IPPK: variants seen among roughly 807,000 people sequenced by gnomAD.
IPPK encodes IPK1 homolog.
Under a neutral mutation model 64.6 loss-of-function variants are expected in IPPK, and 22 were observed. That is an observed-to-expected ratio of 0.34 (90% CI 0.24 to 0.49). The LOEUF (loss-of-function observed/expected upper bound fraction) is 0.49, where lower values mean the gene tolerates loss of function less well. IPPK is among the 20% of genes least tolerant of loss of function. The probability of loss-of-function intolerance (pLI) is 0.99; values close to 1 mark genes in which losing one functional copy is unlikely to be tolerated. For missense variants in IPPK, 532 were observed against 630.7 expected, an observed-to-expected ratio of 0.84 and a Z score of 1.68; for synonymous variants, 262 against 247.2, an observed-to-expected ratio of 1.06 and a Z score of -0.56.
intron 4 of IPPK, 85 bp downstream of exon 4, chr9:92,652,488 T>C (rs1852287823): frequency 3.5e-6 from 2 of 575,530 alleles, no homozygotes; most frequent in South Asian, 2.7e-5. Flanking sequence ...AAAATGCATA[T>C]ACCTAACATG....
rs112162638 is a variant in IPPK, at chr9:92,615,895, G to A, written c.1413C>T (p.Asn471=). Residue 471 remains asparagine (N), a synonymous_variant, in exon 13 of 13, where the codon AAC becomes AAT. Coordinates refer to ENST00000287996, the MANE Select transcript of IPPK (RefSeq NM_022755.6). ...YYSKTVRAKD[N]AVMSTRFKES... ...CCTTGAACCGAGTCGACATCACGGC[G>A]TTGTCTTTGGCACGTACAGTCTTTG... 1.4e-5 allele frequency: 23 copies of A among 1,614,182 alleles called. No homozygotes were observed. Among genetic ancestry groups the A allele is most frequent in the African/African-American group, 9.3e-5 (7 of 75,062 alleles).
chr9:92,662,358 T>G (rs1181440488), intron 1 of IPPK, among the ~76,000 whole-genome samples: 1 of 151,834 alleles, frequency 6.6e-6, no homozygotes, highest in Admixed American at 6.6e-5. Flanking sequence ...AAAACCTGTC[T>G]CTACTAAAAA....
chr9:92,657,044 A>G (rs1277427824), intron 2 of IPPK, among the ~76,000 whole-genome samples: 2 of 152,142 alleles, frequency 1.3e-5, no homozygotes, highest in African/African-American at 4.8e-5. Flanking sequence ...AGCTGTGGTC[A>G]CAGCTTCTGA....
chr9:92,619,348 C>T (rs1051561683), intron 12 of IPPK, 138 bp downstream of exon 12: 3 of 677,980 alleles, frequency 4.4e-6, no homozygotes, highest in African/African-American at 3.5e-5. Context: ...CCCATGATGT[C>T]ACATAGGCCA....
In IPPK at chr9:92,663,674, C is replaced by G. The variant is rs55980003; in HGVS notation, c.82-4993G>C. Among the ~76,000 whole-genome samples the G allele has an allele frequency of 7.3e-3, 1,112 of 152,290 alleles. 11 individuals carry two copies. Among genetic ancestry groups the G allele is most frequent in the Non-Finnish European group, 0.011 (723 of 68,022 alleles). ...GCCAATGGGAAGCCTGAGGGGGCACCTTATGGGTGGAATTAAAGCTACTAA... is the reference window on the plus strand; with the variant it reads ...GCCAATGGGAAGCCTGAGGGGGCACGTTATGGGTGGAATTAAAGCTACTAA... On this transcript the variant is annotated intron_variant, in intron 1 of 12. Transcript: ENST00000287996.
At position 92,614,001 on chromosome 9, in the gene IPPK, G is replaced by A. The variant is rs1374839621; in HGVS notation, c.*1831C>T. 1 of 152,288 alleles carries A rather than the reference G, an allele frequency of 6.6e-6. No homozygotes were observed. Among genetic ancestry groups the A allele is most frequent in the Non-Finnish European group, 1.5e-5 (1 of 68,100 alleles). 9.4% of individuals were successfully genotyped at this position (152,288 alleles called of 1,614,324 possible). A position where few individuals can be genotyped will look rare whatever the true frequency, so the allele number is the denominator to read the frequency against. On this transcript the variant is annotated 3_prime_UTR_variant, in exon 13 of 13. Coordinates refer to ENST00000287996, the MANE Select transcript of IPPK (RefSeq NM_022755.6). ...CCACAGCAGTGGCACCCGCGGCTCA[G>A]GGGCTCCTCACAGCCCGGGCTGGTG...
At chr9:92,662,111 G>A (rs928151058) in intron 1 of IPPK, among the ~76,000 whole-genome samples, 1 of 152,224 alleles carries the variant, frequency 6.6e-6, no homozygotes, top group African/African-American at 2.4e-5. Context: ...CCGAGCTCCT[G>A]CCAGCTCACC....
At chr9:92,651,848 T>C (rs1453006563) in intron 4 of IPPK, among the ~76,000 whole-genome samples, 2 of 152,152 alleles carry the variant, frequency 1.3e-5, no homozygotes, top group Admixed American at 6.6e-5. Flanking sequence ...CCCAAGTAGC[T>C]GGGATTACAG....
At position 92,670,055 on chromosome 9, in the gene IPPK, C is replaced by A; in HGVS notation, c.-67G>T. On this transcript the variant is annotated 5_prime_UTR_variant, in exon 1 of 13. Coordinates refer to ENST00000287996, the MANE Select transcript of IPPK (RefSeq NM_022755.6). ...GACGCGAGCTGGGGGCCGCCCGCCT[C>A]GCTGGGAACCAGCCGCTGCGGTCGG... 2 of 1,198,336 alleles carry A rather than the reference C, an allele frequency of 1.7e-6. No homozygotes were observed. Among genetic ancestry groups the A allele is most frequent in the Admixed American group, 2.0e-5 (1 of 49,364 alleles). 74.2% of individuals were successfully genotyped at this position (1,198,336 alleles called of 1,614,324 possible).
rs1043834514 is a variant in IPPK at position 92,657,717 on chromosome 9, G to A, written c.129+917C>T. 8.5e-5 allele frequency among the ~76,000 whole-genome samples: 13 copies of A among 152,216 alleles called. No individual in the cohort carries two copies. The South Asian group carries it at 1.0e-3, about 12-fold the overall frequency. On this transcript the variant is annotated intron_variant, in intron 2 of 12. Transcript: ENST00000287996. ...AGACAGTGGGGCCTTCCTATCCTCC[G>A]CCTGCCTGCCTCGACCCCACACCCA...
At chr9:92,657,833 AC>A (rs1852404061) in intron 2 of IPPK, among the ~76,000 whole-genome samples, 3 of 137,814 alleles carry the variant, frequency 2.2e-5, no homozygotes, top group African/African-American at 8.3e-5. Flanking sequence ...ACCCACCACC[AC>A]CCCCCGGCCT....
At chr9:92,636,187 T>C (rs956632096) in intron 9 of IPPK, among the ~76,000 whole-genome samples, 3 of 152,090 alleles carry the variant, frequency 2.0e-5, no homozygotes, top group Non-Finnish European at 4.4e-5. Flanking sequence ...AAGAAAGGTG[T>C]CCATGCAGGG....
chr9:92,655,691 T>A (rs916203588), intron 3 of IPPK, among the ~76,000 whole-genome samples: 1 of 152,138 alleles, frequency 6.6e-6, no homozygotes, highest in Admixed American at 6.5e-5. Context: ...TGTTCCTTCC[T>A]CAAGGAGAAA....
At chr9:92,616,963 G>C (rs937056130) in intron 12 of IPPK, 1 of 152,208 alleles carries the variant, frequency 6.6e-6, no homozygotes, top group Non-Finnish European at 1.5e-5. Flanking sequence ...GCCGAGGAGA[G>C]GAAATACTGA....
intron 12 of IPPK, chr9:92,618,136 G>T (rs1851501503): frequency 2.3e-6 from 1 of 425,572 alleles, no homozygotes; most frequent in Non-Finnish European, 4.7e-6. Flanking sequence ...CTTCCTGGAA[G>T]CAGGCCCAGC....
In IPPK at chr9:92,638,279, T is replaced by G; in HGVS notation, c.638A>C (p.Asn213Thr). 1 of 1,610,414 alleles carries G rather than the reference T, an allele frequency of 6.2e-7. No homozygotes were observed. The highest frequency in any genetic ancestry group is 8.5e-7 in the Non-Finnish European group (1 of 1,176,990). ...EAQNNLKIFK[N>T]GELIYGCKDA... The stretch of plus-strand genomic sequence containing the variant: ...TTTGCAGCCGTAAATCAGCTCACCA[T>G]TCTTCAGACAGGGAAAAGAAAGAGG... The change falls in exon 9 of 13, where the codon AAT becomes ACT. Residue 213 changes from asparagine to threonine, a missense_variant and splice_region_variant. Physicochemically the swap from Asn to Thr is moderately conservative, Grantham distance 65. Transcript: ENST00000287996.
At chr9:92,653,678 C>T (rs538025905) in intron 3 of IPPK, among the ~76,000 whole-genome samples, 13 of 152,146 alleles carry the variant, frequency 8.5e-5, no homozygotes, top group African/African-American at 2.7e-4. Flanking sequence ...GGTGAAACCC[C>T]GTCTCTACTA....
chr9:92,631,168 CT>C (rs1045900015), intron 11 of IPPK, among the ~76,000 whole-genome samples: 2 of 151,254 alleles, frequency 1.3e-5, no homozygotes, highest in African/African-American at 4.9e-5. Context: ...AATATTCCCT[CT>C]TTTCTTCAGC....
At chr9:92,661,386 C>T (rs997686223) in intron 1 of IPPK, among the ~76,000 whole-genome samples, 3 of 152,210 alleles carry the variant, frequency 2.0e-5, no homozygotes, top group African/African-American at 4.8e-5. Flanking sequence ...CCAGGCTCCT[C>T]GCTGCTACTG....
Sources: gnomAD v4.1 joint callset for allele counts (sites outside exome capture counted in the v4.1 genomes callset) on GRCh38, gnomAD v4.1.1 for gene constraint, MANE v1.5 for transcripts, NCBI Gene and HGNC (gene_info 2026-07-23, HGNC 2026-07-21) for gene names.